Variants in ZCCHC7 observed in about 807,000 individuals in gnomAD.
The protein encoded by ZCCHC7 is zinc finger CCHC domain-containing protein 7.
Under a neutral mutation model 52.0 loss-of-function variants are expected in ZCCHC7, and 35 were observed. That is an observed-to-expected ratio of 0.67 (90% confidence interval 0.51 to 0.89). The LOEUF is 0.89. ZCCHC7 is among the 40% of genes least tolerant of loss of function. The pLI is 0.00. For synonymous variants in ZCCHC7, 217 were observed against 221.5 expected, an observed-to-expected ratio of 0.98 and a Z score of 0.18; for missense variants, 574 against 649.1, an observed-to-expected ratio of 0.88 and a Z score of 1.26.
intron 2 of ZCCHC7, among the ~76,000 whole-genome samples, chr9:37,254,350 T>C (rs1826470332): frequency 6.6e-6 from 1 of 151,998 alleles, no homozygotes; most frequent in South Asian, 2.1e-4. Flanking sequence ...AATTGCAGCC[T>C]TTGGTGTTTA....
At chr9:37,164,303 G>A (rs1319172038) in intron 2 of ZCCHC7, among the ~76,000 whole-genome samples, 1 of 152,032 alleles carries the variant, frequency 6.6e-6, no homozygotes, top group African/African-American at 2.4e-5. Context: ...AAATTAGCCA[G>A]GCATGATACT....
intron 2 of ZCCHC7, among the ~76,000 whole-genome samples, chr9:37,176,657 A>G (rs899649100): frequency 6.6e-6 from 1 of 152,062 alleles, no homozygotes; most frequent in African/African-American, 2.4e-5. Flanking sequence ...TTTAATGTAT[A>G]TATTTTAAAA....
At chr9:37,296,881 T>TTGTGTA (rs1396008500) in intron 2 of ZCCHC7, among the ~76,000 whole-genome samples, 25 of 124,204 alleles carry the variant, frequency 2.0e-4, no homozygotes, top group African/African-American at 7.4e-4. Flanking sequence ...CCTGGCTAGT[T>TTGTGTA]TGTGTGTGTG....
chr9:37,353,087 G>A (rs1467983411), intron 7 of ZCCHC7, among the ~76,000 whole-genome samples: 1 of 150,498 alleles, frequency 6.6e-6, no homozygotes, highest in Non-Finnish European at 1.5e-5. Flanking sequence ...AAGAAAAAAG[G>A]TACTAATAAA....
intron 2 of ZCCHC7, among the ~76,000 whole-genome samples, chr9:37,145,222 A>G (rs1030093509): frequency 3.2e-4 from 48 of 152,128 alleles, no homozygotes; most frequent in African/African-American, 1.1e-3. Flanking sequence ...TTAATAGTCA[A>G]CTTTTCAAAT....
chr9:37,277,769 CA>C (rs1827750798), intron 2 of ZCCHC7, among the ~76,000 whole-genome samples: 1 of 152,072 alleles, frequency 6.6e-6, no homozygotes, highest in African/African-American at 2.4e-5. Flanking sequence ...CCAAGTTCTG[CA>C]TATAAATGAT....
intron 2 of ZCCHC7, among the ~76,000 whole-genome samples, chr9:37,216,064 C>T (rs986698444): frequency 6.6e-6 from 1 of 152,160 alleles, no homozygotes; most frequent in African/African-American, 2.4e-5. Context: ...AGTAGTGACT[C>T]AGAGAATATT....
intron 2 of ZCCHC7, among the ~76,000 whole-genome samples, chr9:37,224,640 G>A (rs1469082023): frequency 6.6e-6 from 1 of 152,202 alleles, no homozygotes; most frequent in Admixed American, 6.5e-5. Flanking sequence ...GACATACTGA[G>A]ATCTTGGGCA....
At chr9:37,314,384 C>T (rs1029325334) in intron 5 of ZCCHC7, among the ~76,000 whole-genome samples, 12 of 152,132 alleles carry the variant, frequency 7.9e-5, no homozygotes, top group African/African-American at 2.9e-4. Flanking sequence ...AAGCAGAAGG[C>T]CACTAAGAAT....
chr9:37,251,695 T>C (rs1312925133), intron 2 of ZCCHC7, among the ~76,000 whole-genome samples: 1 of 152,212 alleles, frequency 6.6e-6, no homozygotes, highest in African/African-American at 2.4e-5. Flanking sequence ...TGGCCTTTTA[T>C]GCTTGCCGAC....
chr9:37,239,559 A>G (rs983285475), intron 2 of ZCCHC7, among the ~76,000 whole-genome samples: 4 of 152,284 alleles, frequency 2.6e-5, no homozygotes, highest in Admixed American at 2.0e-4. Flanking sequence ...TGCCTTAGAA[A>G]ACAGCAGGTA....
chr9:37,131,821 CTG>C (rs1392357580), intron 2 of ZCCHC7, among the ~76,000 whole-genome samples: 1 of 152,078 alleles, frequency 6.6e-6, no homozygotes, highest in Non-Finnish European at 1.5e-5. Context: ...TCCATTGAGA[CTG>C]TATATACGTG....
At chr9:37,183,701 C>T (rs921140399) in intron 2 of ZCCHC7, among the ~76,000 whole-genome samples, 3 of 152,186 alleles carry the variant, frequency 2.0e-5, no homozygotes, top group Non-Finnish European at 2.9e-5. Flanking sequence ...ATTTTACTTT[C>T]CTGAGCACTT....
chr9:37,192,714 G>A (rs1034210410), intron 2 of ZCCHC7, among the ~76,000 whole-genome samples: 13 of 152,026 alleles, frequency 8.6e-5, no homozygotes, highest in African/African-American at 2.4e-4. Flanking sequence ...GAATCTGTAC[G>A]GCAGTCCTTC....
chr9:37,233,556 T>A (rs764270085), intron 2 of ZCCHC7, among the ~76,000 whole-genome samples: 67 of 152,216 alleles, frequency 4.4e-4, no homozygotes, highest in Non-Finnish European at 8.8e-4. Context: ...TATGTTCTCT[T>A]TAAGAACTGA....
At chr9:37,177,448 A>G (rs1464898264) in intron 2 of ZCCHC7, among the ~76,000 whole-genome samples, 1 of 152,220 alleles carries the variant, frequency 6.6e-6, no homozygotes, top group African/African-American at 2.4e-5. Flanking sequence ...ATCTTTGTGC[A>G]GTGTGGAAAG....
chr9:37,265,629 CTCTTACCAAA>C (rs1827070174), intron 2 of ZCCHC7, among the ~76,000 whole-genome samples: 1 of 152,332 alleles, frequency 6.6e-6, no homozygotes, highest in Middle Eastern at 3.4e-3. Flanking sequence ...AAACCCTTAT[CTCTTACCAAA>C]ACATAATCTG....
chr9:37,221,084 G>T (rs779934300), intron 2 of ZCCHC7, among the ~76,000 whole-genome samples: 48 of 152,188 alleles, frequency 3.2e-4, no homozygotes, highest in Non-Finnish European at 3.5e-4. Flanking sequence ...AGCTTACCAG[G>T]TTCCACCAGT....
At chr9:37,163,594 T>G (rs1052490013) in intron 2 of ZCCHC7, among the ~76,000 whole-genome samples, 1 of 152,202 alleles carries the variant, frequency 6.6e-6, no homozygotes, top group African/African-American at 2.4e-5. Flanking sequence ...TTGAGCATCT[T>G]TTCATGTGTT....
Sources: allele counts gnomAD v4.1 joint callset (sites outside exome capture counted in the v4.1 genomes callset), GRCh38; gene constraint gnomAD v4.1.1; transcripts MANE v1.5; gene names NCBI Gene and HGNC (gene_info 2026-07-23, HGNC 2026-07-21).